The following TNR variants were observed in gnomAD, a reference collection of about 807,000 sequenced individuals.
The protein encoded by TNR is tenascin-R.
In TNR, 45 loss-of-function variants were observed where a neutral mutation model predicts 150.4. The observed-to-expected ratio is 0.30, with a 90% CI of 0.24 to 0.38. The LOEUF (loss-of-function observed/expected upper bound fraction) is 0.38. Ranked by LOEUF, TNR falls within the 10% of genes least tolerant of loss-of-function variation. TNR has a pLI of 1.00. For missense variants in TNR, 1,544 were observed against 1,759.1 expected (o/e 0.88, Z 2.19); for synonymous variants, 687 against 678.4 (o/e 1.01, Z -0.20).
intron 1 of TNR, among the ~76,000 whole-genome samples, chr1:175,677,959 T>C (rs535698446): frequency 6.6e-6 from 1 of 152,018 alleles, no homozygotes; most frequent in South Asian, 2.1e-4. Context: ...CCAGCAGGAA[T>C]GAGTGCTTTC....
At chr1:175,529,539 C>A (rs1292581305) in intron 1 of TNR, among the ~76,000 whole-genome samples, 1 of 152,170 alleles carries the variant, frequency 6.6e-6, no homozygotes, top group African/African-American at 2.4e-5. Flanking sequence ...AATGGGTTTG[C>A]CAGGGCCCAG....
chr1:175,445,582 C>T (rs1034737093), intron 2 of TNR, among the ~76,000 whole-genome samples: 1 of 152,186 alleles, frequency 6.6e-6, no homozygotes, highest in Non-Finnish European at 1.5e-5. Flanking sequence ...TTACTCATTA[C>T]AGGTCCCAGA....
At chr1:175,485,240 GAGT>G (rs1313966656) in intron 2 of TNR, among the ~76,000 whole-genome samples, 1 of 152,160 alleles carries the variant, frequency 6.6e-6, no homozygotes, top group East Asian at 1.9e-4. Context: ...TGGATTCACT[GAGT>G]CCACCATTAG....
At chr1:175,443,759 G>T (rs1655904628) in intron 2 of TNR, among the ~76,000 whole-genome samples, 1 of 152,130 alleles carries the variant, frequency 6.6e-6, no homozygotes, top group African/African-American at 2.4e-5. Context: ...GAGTTAGTAA[G>T]GAAGGAAGGA....
chr1:175,337,715 T>A, intron 18 of TNR, 36 bp from the exon 19 acceptor site: 1 of 1,609,432 alleles, frequency 6.2e-7, no homozygotes. Context: ...GAAAGGATTC[T>A]TTCTCTCACA....
intron 1 of TNR, among the ~76,000 whole-genome samples, chr1:175,718,925 C>T (rs1365043481): frequency 6.6e-6 from 1 of 152,234 alleles, no homozygotes; most frequent in East Asian, 1.9e-4. Context: ...AACAGCTTGT[C>T]TGAGTTCTAC....
At chr1:175,389,637 C>G (rs1257523666) in intron 7 of TNR, among the ~76,000 whole-genome samples, 1 of 152,190 alleles carries the variant, frequency 6.6e-6, no homozygotes, top group Non-Finnish European at 1.5e-5. Context: ...TCTGAAGGCT[C>G]CTTTGTCATG....
chr1:175,348,425 T>C (rs1206992735), intron 18 of TNR, among the ~76,000 whole-genome samples: 1 of 152,188 alleles, frequency 6.6e-6, no homozygotes. Context: ...CTAAACTTGT[T>C]AAACTAAGAT....
In TNR at chr1:175,586,944, GAAA is replaced by G. The variant is rs560006111; in HGVS notation, c.-164-58578_-164-58576del. ...AATTACCAAATTTGCTCTACTTAAT[GAAA>G]CATCAGCAACAGCCCATCAGTATTC... On this transcript the variant is annotated intron_variant, in intron 1 of 22. Coordinates refer to ENST00000367674, the MANE Select transcript of TNR (RefSeq NM_003285.3). Among the ~76,000 whole-genome samples the G allele has an allele frequency of 1.5e-4, 23 of 152,306 alleles. No homozygotes were observed. The East Asian group carries it at 4.2e-3, about 28-fold the overall frequency.
chr1:175,417,572 A>G (rs1165523232), intron 2 of TNR, among the ~76,000 whole-genome samples: 1 of 152,194 alleles, frequency 6.6e-6, no homozygotes, highest in Non-Finnish European at 1.5e-5. Flanking sequence ...AAACACTACT[A>G]ATATGTGCTA....
intron 18 of TNR, among the ~76,000 whole-genome samples, chr1:175,350,242 T>G (rs1259151319): frequency 2.6e-5 from 4 of 152,178 alleles, no homozygotes; most frequent in Admixed American, 2.6e-4. Context: ...AAAAGAAAAC[T>G]TCTTATTATC....
At chr1:175,430,875 G>C (rs917407324) in intron 2 of TNR, among the ~76,000 whole-genome samples, 3 of 152,136 alleles carry the variant, frequency 2.0e-5, no homozygotes, top group African/African-American at 7.2e-5. Context: ...ATAATGGGTT[G>C]TTTTATATTT....
At chr1:175,351,867 A>G (rs2040425) in intron 18 of TNR, among the ~76,000 whole-genome samples, 64,613 of 152,054 alleles carry the variant, frequency 0.42, 15,404 homozygotes, top group East Asian at 0.66. Flanking sequence ...CTCACCGCAT[A>G]GGAAATTGGG....
chr1:175,393,987 G>T, intron 5 of TNR, 92 bp from the exon 6 acceptor site: 2 of 1,010,984 alleles, frequency 2.0e-6, no homozygotes, highest in Non-Finnish European at 3.1e-6. Flanking sequence ...CTCCCTCCAC[G>T]CCATGGGCGT....
At chr1:175,440,859 G>T (rs1655753238) in intron 2 of TNR, among the ~76,000 whole-genome samples, 1 of 152,088 alleles carries the variant, frequency 6.6e-6, no homozygotes, top group Non-Finnish European at 1.5e-5. Context: ...GAATAGAGAG[G>T]ATATTTGGTG....
chr1:175,447,683 T>C (rs1309507210), intron 2 of TNR, among the ~76,000 whole-genome samples: 4 of 152,222 alleles, frequency 2.6e-5, no homozygotes, highest in African/African-American at 7.2e-5. Flanking sequence ...TTTGTTGTTG[T>C]TGTTGTTAGT....
chr1:175,539,740 C>T (rs985660570), intron 1 of TNR, among the ~76,000 whole-genome samples: 1 of 152,192 alleles, frequency 6.6e-6, no homozygotes, highest in South Asian at 2.1e-4. Context: ...GGAAGGTCTT[C>T]GCAAAACCCT....
chr1:175,397,050 T>G (rs1484345666), intron 4 of TNR, among the ~76,000 whole-genome samples: 2 of 152,238 alleles, frequency 1.3e-5, no homozygotes, highest in Non-Finnish European at 2.9e-5. Flanking sequence ...TTGTAAATGC[T>G]GATTGTCAAA....
At chr1:175,376,115 G>A (rs558389413) in intron 9 of TNR, among the ~76,000 whole-genome samples, 5 of 152,216 alleles carry the variant, frequency 3.3e-5, no homozygotes, top group East Asian at 1.9e-4. Context: ...GGTAGTTCTC[G>A]GGGGAAGAGG....
Sources: gnomAD v4.1 joint callset for allele counts (sites outside exome capture counted in the v4.1 genomes callset) on GRCh38, gnomAD v4.1.1 for gene constraint, MANE v1.5 for transcripts, NCBI Gene and HGNC (gene_info 2026-07-23, HGNC 2026-07-21) for gene names.